FKBP1A: variants seen among roughly 807,000 people sequenced by gnomAD.
The protein encoded by FKBP1A is peptidyl-prolyl cis-trans isomerase FKBP1A.
Under a neutral mutation model 14.2 loss-of-function variants are expected in FKBP1A, and 5 were observed. The ratio of observed to expected loss-of-function variants is 0.35; its 90% CI spans 0.18 to 0.74. The LOEUF is 0.74. Ranked by LOEUF, FKBP1A falls within the 30% of genes least tolerant of loss-of-function variation. The pLI is 0.56. For synonymous variants in FKBP1A, 42 were observed against 49.1 expected (o/e 0.86, Z 0.60); for missense variants, 53 against 138.8 (o/e 0.38, Z 3.10).
chr20:1,389,083 A>G (rs1044710051), intron 2 of FKBP1A, among the ~76,000 whole-genome samples: 1 of 152,144 alleles, frequency 6.6e-6, no homozygotes, highest in Non-Finnish European at 1.5e-5. Flanking sequence ...CCTCACGAAA[A>G]GCAGCCAACT....
chr20:1,372,253 CAAGG>C lies in FKBP1A; in HGVS notation c.199-17_199-14del. On this transcript the variant is annotated splice_polypyrimidine_tract_variant and intron_variant, in intron 3 of 4. Coordinates refer to ENST00000400137, the MANE Select transcript of FKBP1A (RefSeq NM_000801.5). ...GACCCACACTCATCTGTGAAAAGAA[CAAGG>C]AAGACAGACTCAGCTGGACACATGC... 6.2e-7 allele frequency: 1 copy of C among 1,613,232 alleles called. No homozygotes were observed. Among genetic ancestry groups the C allele is most frequent in the South Asian group, 1.1e-5 (1 of 90,914 alleles).
Position 1,392,999 on chromosome 20 carries a change from G to T in FKBP1A, c.-1C>A. ...AGATGGTTTCCACCTGCACTCCCATGGCGGCGGCGGACGCTGAGCGGGCGG... is the reference window on the plus strand; with the variant it reads ...AGATGGTTTCCACCTGCACTCCCATTGCGGCGGCGGACGCTGAGCGGGCGG... On this transcript the variant is annotated 5_prime_UTR_variant, in exon 1 of 5. Coordinates refer to ENST00000400137, the MANE Select transcript of FKBP1A (RefSeq NM_000801.5). 1.4e-6 allele frequency: 2 copies of T among 1,469,404 alleles called. No homozygotes were observed. The highest frequency in any genetic ancestry group is 1.3e-5 in the South Asian group (1 of 74,822). The allele number at this position is 1,469,404 out of a possible 1,614,324, so 91.0% of individuals were successfully genotyped here.
intron 3 of FKBP1A, chr20:1,373,322 G>A (rs2089494275): frequency 6.6e-6 from 1 of 152,222 alleles, no homozygotes; most frequent in Admixed American, 6.5e-5. Context: ...TTAGTCATGA[G>A]AAATCATATA....
chr20:1,375,329 C>T (rs1270217867), intron 3 of FKBP1A, 162 bp downstream of exon 3: 1 of 624,020 alleles, frequency 1.6e-6, no homozygotes, highest in Non-Finnish European at 2.9e-6. Flanking sequence ...GTACAAGAAA[C>T]ATTAACAACA....
intron 2 of FKBP1A, chr20:1,377,858 G>A (rs1403908772): frequency 2.0e-5 from 3 of 152,206 alleles, no homozygotes; most frequent in Non-Finnish European, 4.4e-5. Context: ...AAAGGAGACT[G>A]AAAACCAGAA....
At chr20:1,391,767 AG>A in intron 2 of FKBP1A, 1 of 326,186 alleles carries the variant, frequency 3.1e-6, no homozygotes, top group Non-Finnish European at 5.5e-6. Context: ...TGGGAAAAAA[AG>A]AGGGAGGAGG....
chr20:1,392,648 C>T (rs903665970), intron 2 of FKBP1A, among the ~76,000 whole-genome samples, 186 bp downstream of exon 2: 1 of 152,226 alleles, frequency 6.6e-6, no homozygotes, highest in East Asian at 1.9e-4. Context: ...CGATTCAGAC[C>T]CGCCCGGGTT....
rs1477050568 is a variant in FKBP1A at position 1,392,841 on chromosome 20, G to A, written c.78C>T (p.His26=). The A allele has an allele frequency of 2.0e-6, 3 of 1,530,702 alleles. No individual in the cohort carries two copies. The highest frequency in any genetic ancestry group is 1.2e-5 in the South Asian group (1 of 82,836). The allele number at this position is 1,530,702 out of a possible 1,614,324, so 94.8% of individuals were successfully genotyped here. A position where few individuals can be genotyped will look rare whatever the true frequency, so the allele number is the denominator to read the frequency against. Residue 26 remains histidine (H), a synonymous_variant, in exon 2 of 5, where the codon CAC becomes CAT. Transcript: ENST00000400137. ...GCTGGGCCCCCGACTCACCGGTGTA[G>A]TGCACCACGCAGGTCTGGCCGCGCT... ...FPKRGQTCVV[H]YTGMLEDGKK...
At chr20:1,377,047 A>G (rs2089554457) in intron 2 of FKBP1A, 1 of 152,206 alleles carries the variant, frequency 6.6e-6, no homozygotes, top group African/African-American at 2.4e-5. Flanking sequence ...AATGGACACA[A>G]AACTGATTTT....
rs530041440 is a variant in FKBP1A, at chr20:1,378,894, G to A, written c.86-3291C>T. On this transcript the variant is annotated intron_variant, in intron 2 of 4. Coordinates refer to ENST00000400137, the MANE Select transcript of FKBP1A (RefSeq NM_000801.5). ...CCACAAAGAACTATCCCTGATCCGC[G>A]ACAATGGGAACAGTGTCTCATGTCA... Among the ~76,000 whole-genome samples the A allele has an allele frequency of 1.2e-3, 185 of 152,250 alleles. 1 individual carries two copies. Among genetic ancestry groups the A allele is most frequent in the African/African-American group, 4.0e-3 (168 of 41,544 alleles).
chr20:1,377,575 A>G (rs762258940), intron 2 of FKBP1A: 1 of 152,222 alleles, frequency 6.6e-6, no homozygotes, highest in African/African-American at 2.4e-5. Context: ...ACCTGGGAGA[A>G]AAACAGGTCT....
Position 1,388,755 on chromosome 20 carries a change from C to T in FKBP1A, c.85+4079G>A, listed in dbSNP as rs988954895. 4.9e-5 allele frequency among the ~76,000 whole-genome samples: 6 copies of T among 121,736 alleles called. No individual in the cohort carries two copies. In the East Asian group the frequency reaches 1.3e-3, roughly 27 times the overall value. The allele number at this position is 121,736 out of a possible 152,430, so 79.9% of individuals were successfully genotyped here. The stretch of plus-strand genomic sequence containing the variant: ...CCAGAAGGAGCGTGGGTTGGGGGGG[C>T]GGGGGCGGGCATTAAAAGCCAAGCC... On this transcript the variant is annotated intron_variant, in intron 2 of 4. Transcript: ENST00000400137.
At chr20:1,385,610 T>A (rs906712098) in intron 2 of FKBP1A, among the ~76,000 whole-genome samples, 7 of 152,108 alleles carry the variant, frequency 4.6e-5, no homozygotes, top group Admixed American at 1.3e-4. Flanking sequence ...GAAAAACTCC[T>A]GTGACTCCCC....
At chr20:1,372,295 T>G in intron 3 of FKBP1A, 55 bp from the exon 4 acceptor site, 4 of 1,588,302 alleles carry the variant, frequency 2.5e-6, no homozygotes, top group Non-Finnish European at 3.4e-6. Flanking sequence ...CAACTGTCTC[T>G]GTAAGAAAAA....
chr20:1,378,137 T>A (rs1447862513), intron 2 of FKBP1A: 1 of 152,052 alleles, frequency 6.6e-6, no homozygotes, highest in Non-Finnish European at 1.5e-5. Flanking sequence ...AAACAAAGAC[T>A]CGGGAAGAAA....
intron 3 of FKBP1A, 66 bp from the exon 4 acceptor site, chr20:1,372,306 G>T (rs1163639541): frequency 4.5e-6 from 7 of 1,567,314 alleles, no homozygotes; most frequent in Non-Finnish European, 6.1e-6. Flanking sequence ...GTAAGAAAAA[G>T]AGCTGTTTAC....
chr20:1,378,055 T>C (rs2089571528), intron 2 of FKBP1A: 1 of 152,202 alleles, frequency 6.6e-6, no homozygotes, highest in Non-Finnish European at 1.5e-5. Flanking sequence ...CGGGTCAGTT[T>C]GGGCACTACT....
intron 2 of FKBP1A, chr20:1,377,437 A>G (rs1278272982): frequency 6.6e-6 from 1 of 152,208 alleles, no homozygotes; most frequent in African/African-American, 2.4e-5. Context: ...TACCTGCTCC[A>G]AGGAACTGGT....
At chr20:1,383,571 A>G (rs1179978432) in intron 2 of FKBP1A, among the ~76,000 whole-genome samples, 2 of 152,018 alleles carry the variant, frequency 1.3e-5, no homozygotes, top group Non-Finnish European at 2.9e-5. Flanking sequence ...GTGCTTTGGA[A>G]GGCCAAGGCA....
Sources: allele counts gnomAD v4.1 joint callset (sites outside exome capture counted in the v4.1 genomes callset), GRCh38; gene constraint gnomAD v4.1.1; transcripts MANE v1.5; gene names NCBI Gene and HGNC (gene_info 2026-07-23, HGNC 2026-07-21).